The following FAM184B variants were observed in gnomAD, a reference collection of about 807,000 sequenced individuals.
FAM184B encodes protein FAM184B.
A neutral mutation model predicts 135.9 loss-of-function variants in FAM184B; 111 were observed. The ratio of observed to expected loss-of-function variants is 0.82; its 90% CI spans 0.70 to 0.96. FAM184B has a LOEUF of 0.96. Among genes scored for constraint, FAM184B ranks in the 40% least tolerant of loss-of-function variants. FAM184B has a pLI of 0.00. For missense variants in FAM184B, 1,375 were observed against 1,323.9 expected (o/e 1.04, Z -0.60); for synonymous variants, 552 against 524.8 (o/e 1.05, Z -0.71).
intron 4 of FAM184B, 132 bp from the exon 5 acceptor site, chr4:17,705,338 A>G (rs1257753725): frequency 1.5e-5 from 11 of 710,960 alleles, no homozygotes; most frequent in South Asian, 1.9e-5. Context: ...GGTGCAATCA[A>G]TTTTACAAGA....
chr4:17,694,813 CA>C (rs1198145321), intron 5 of FAM184B, among the ~76,000 whole-genome samples: 1 of 152,132 alleles, frequency 6.6e-6, no homozygotes. Flanking sequence ...AACAAGACGG[CA>C]AACACTAGGT....
chr4:17,680,767 A>C (rs1375643115), intron 7 of FAM184B, among the ~76,000 whole-genome samples: 1 of 152,214 alleles, frequency 6.6e-6, no homozygotes, highest in Non-Finnish European at 1.5e-5. Flanking sequence ...CCTCCCAGGC[A>C]AATGGCTGGT....
intron 1 of FAM184B, among the ~76,000 whole-genome samples, chr4:17,730,999 G>A (rs1041966830): frequency 2.0e-5 from 3 of 152,128 alleles, no homozygotes; most frequent in Non-Finnish European, 2.9e-5. Flanking sequence ...AATGGAAGAC[G>A]AAATGAATGA....
At chr4:17,639,168 C>G in intron 14 of FAM184B, 82 bp downstream of exon 14, 1 of 1,378,280 alleles carries the variant, frequency 7.3e-7, no homozygotes, top group Non-Finnish European at 1.0e-6. Flanking sequence ...ACCAGGAAAT[C>G]CCAGGGTCAT....
rs145946650 is a variant in FAM184B, at chr4:17,723,318, G to A, written c.142-13674C>T. On this transcript the variant is annotated intron_variant, in intron 1 of 17. Coordinates refer to ENST00000265018, the MANE Select transcript of FAM184B (RefSeq NM_015688.2). ...CTTCTGCAAAATCCTCAAATAAACA[G>A]TATGCTTCAAGTTATATATTATTGT... Among the ~76,000 whole-genome samples, 171 of 152,264 alleles carry A rather than the reference G, an allele frequency of 1.1e-3. 1 individual carries two copies. Among genetic ancestry groups the A allele is most frequent in the African/African-American group, 3.9e-3 (161 of 41,556 alleles).
Position 17,693,368 on chromosome 4 carries a change from C to CT in FAM184B, c.1421dup (p.Glu475GlyfsTer22). 1 of 1,551,692 alleles carries CT rather than the reference C, an allele frequency of 6.4e-7. No homozygotes were observed. The highest frequency in any genetic ancestry group is 8.7e-7 in the Non-Finnish European group (1 of 1,146,988). On this transcript the variant is annotated frameshift_variant, in exon 6 of 18. Transcript: ENST00000265018. LOFTEE classifies it high-confidence loss of function. Reference sequence around the variant, plus strand: ...TCTCTTCTTCCAGCTGCTTTATCTCCTTTTCTGATTTCTTCCTCACTTCCT... The same window carrying CT: ...TCTCTTCTTCCAGCTGCTTTATCTCCTTTTTCTGATTTCTTCCTCACTTCCT...
chr4:17,723,078 T>A (rs1378510134), intron 1 of FAM184B, among the ~76,000 whole-genome samples: 1 of 152,186 alleles, frequency 6.6e-6, no homozygotes, highest in East Asian at 1.9e-4. Flanking sequence ...TAAATAGACA[T>A]GCATATCCAT....
chr4:17,742,137 AATAT>A (rs372209332), intron 1 of FAM184B, among the ~76,000 whole-genome samples: 68 of 26,452 alleles, frequency 2.6e-3, no homozygotes, highest in African/African-American at 4.3e-3. Context: ...TATACATATG[AATAT>A]ATATATATAT....
At chr4:17,775,310 C>T (rs7657740) in intron 1 of FAM184B, among the ~76,000 whole-genome samples, 2,180 of 152,078 alleles carry the variant, frequency 0.014, 46 homozygotes, top group African/African-American at 0.05. Context: ...CTCAGCCTCC[C>T]GAGTAGCTGG....
At chr4:17,759,686 G>T (rs1451730237) in intron 1 of FAM184B, among the ~76,000 whole-genome samples, 1 of 151,858 alleles carries the variant, frequency 6.6e-6, no homozygotes, top group Non-Finnish European at 1.5e-5. Flanking sequence ...AGTAGAAAGG[G>T]TGTTTCACCA....
chr4:17,731,707 A>C (rs1717779712), intron 1 of FAM184B, among the ~76,000 whole-genome samples: 1 of 152,254 alleles, frequency 6.6e-6, no homozygotes, highest in Non-Finnish European at 1.5e-5. Context: ...AAAGAGACTT[A>C]GACTCCCACA....
In FAM184B at chr4:17,656,087, G is replaced by A. The variant is rs115866477; in HGVS notation, c.2037+2263C>T. Among the ~76,000 whole-genome samples, 601 of 152,174 alleles carry A rather than the reference G, an allele frequency of 3.9e-3. 4 individuals carry two copies. Among genetic ancestry groups the A allele is most frequent in the African/African-American group, 0.014 (564 of 41,526 alleles). ...AGTGTCCTTTCACTTTCCTTTGGCC[G>A]GGACTCAGACCTCATGGGTCCAACC... On this transcript the variant is annotated intron_variant, in intron 10 of 17. Transcript: ENST00000265018.
At chr4:17,696,253 G>C (rs1716855070) in intron 5 of FAM184B, among the ~76,000 whole-genome samples, 1 of 152,206 alleles carries the variant, frequency 6.6e-6, no homozygotes, top group Non-Finnish European at 1.5e-5. Context: ...ACTCAGGAAA[G>C]CCTGATTGGT....
At chr4:17,651,752 T>G (rs905051044) in intron 11 of FAM184B, among the ~76,000 whole-genome samples, 1 of 152,072 alleles carries the variant, frequency 6.6e-6, no homozygotes, top group African/African-American at 2.4e-5. Context: ...TTAAGCAAAT[T>G]CCTACCCAAA....
Position 17,709,057 on chromosome 4 carries a change from G to T in FAM184B, c.729C>A (p.Ala243=). The part of the protein sequence containing the change: ...RQAMQQSVSQ[A]LWQWQEKESD... ...ACTCCTTCTCCTGCCACTGCCACAGGGCCTGGCTCACCGACTGCTGCATGG... is the reference window on the plus strand; with the variant it reads ...ACTCCTTCTCCTGCCACTGCCACAGTGCCTGGCTCACCGACTGCTGCATGG... Residue 243 remains alanine, a synonymous_variant, in exon 2 of 18, where the codon GCC becomes GCA. Transcript: ENST00000265018. 1.3e-6 allele frequency: 2 copies of T among 1,550,386 alleles called. No individual in the cohort carries two copies. The highest frequency in any genetic ancestry group is 8.7e-7 in the Non-Finnish European group (1 of 1,146,956).
chr4:17,739,555 G>GTTTTTTTTTTTTTTT (rs397992408), intron 1 of FAM184B, among the ~76,000 whole-genome samples: 8,398 of 62,420 alleles, frequency 0.13, 3,251 homozygotes, highest in South Asian at 0.15. Flanking sequence ...CATACCAACT[G>GTTTTTTTTTTTTTTT]TTTTTTTTTT....
chr4:17,753,627 T>G (rs1172982403), intron 1 of FAM184B, among the ~76,000 whole-genome samples: 1 of 152,208 alleles, frequency 6.6e-6, no homozygotes, highest in African/African-American at 2.4e-5. Flanking sequence ...GGTAAAAGTA[T>G]GTGGTTCAGT....
intron 12 of FAM184B, among the ~76,000 whole-genome samples, chr4:17,646,738 A>T (rs563727508): frequency 2.6e-5 from 4 of 152,204 alleles, no homozygotes; most frequent in African/African-American, 4.8e-5. Flanking sequence ...ATAATAATAA[A>T]AAAAGAAAAG....
intron 1 of FAM184B, among the ~76,000 whole-genome samples, chr4:17,770,467 G>A (rs1577297358): frequency 6.7e-6 from 1 of 149,772 alleles, no homozygotes. Context: ...TGTTGTTGTT[G>A]TTGTTGTTTT....
Sources: allele counts gnomAD v4.1 joint callset (sites outside exome capture counted in the v4.1 genomes callset), GRCh38; gene constraint gnomAD v4.1.1; transcripts MANE v1.5; gene names NCBI Gene and HGNC (gene_info 2026-07-23, HGNC 2026-07-21).